Variants in CDK15 observed in about 807,000 individuals in gnomAD.
CDK15 encodes the protein cyclin-dependent kinase 15.
A neutral mutation model predicts 60.3 loss-of-function variants in CDK15; 62 were observed. That is an observed-to-expected ratio of 1.03 (90% CI 0.84 to 1.27). The LOEUF (loss-of-function observed/expected upper bound fraction) is 1.27, where lower values mean the gene tolerates loss of function less well. Among genes scored for constraint, CDK15 ranks in the 50% most tolerant of loss-of-function variants. The pLI is 0.00. For missense variants in CDK15, 541 were observed against 527.8 expected, an observed-to-expected ratio of 1.03 and a Z score of -0.25; for synonymous variants, 194 against 195.7, an observed-to-expected ratio of 0.99 and a Z score of 0.07.
intron 7 of CDK15, among the ~76,000 whole-genome samples, chr2:201,834,322 C>A (rs1559124641): frequency 6.6e-6 from 1 of 152,084 alleles, no homozygotes; most frequent in Admixed American, 6.5e-5. Flanking sequence ...GAGATTATCC[C>A]AAGATGATAA....
intron 12 of CDK15, among the ~76,000 whole-genome samples, chr2:201,886,637 T>G (rs1179727313): frequency 6.6e-6 from 1 of 152,198 alleles, no homozygotes; most frequent in South Asian, 2.1e-4. Flanking sequence ...GATTTCTTAA[T>G]CGATGGTGAT....
intron 9 of CDK15, among the ~76,000 whole-genome samples, chr2:201,852,755 A>C (rs557628672): frequency 1.3e-5 from 2 of 152,350 alleles, no homozygotes; most frequent in South Asian, 4.1e-4. Flanking sequence ...TAATTTTCTC[A>C]AGTGAAAAAG....
At chr2:201,839,970 TTTTTTG>T (rs113933590) in intron 8 of CDK15, among the ~76,000 whole-genome samples, 3 of 150,674 alleles carry the variant, frequency 2.0e-5, no homozygotes, top group African/African-American at 4.9e-5. Flanking sequence ...CTGGGGTTTT[TTTTTTG>T]TTTTTGTTTT....
At chr2:201,889,246 G>A in intron 12 of CDK15, 1 of 985,340 alleles carries the variant, frequency 1.0e-6, no homozygotes, top group Middle Eastern at 5.2e-4. Context: ...TTGTTAAATT[G>A]TGAGATATTT....
Position 201,830,004 on chromosome 2 carries a change from C to T in CDK15, c.607-3844C>T, listed in dbSNP as rs188758198. ...TGTATTTTTAGTAGAGACGGGGTTT[C>T]ACCATGTTGGCCAGGCTGGTCTTGA... On this transcript the variant is annotated intron_variant, in intron 6 of 13. Transcript: ENST00000652192. Among the ~76,000 whole-genome samples the T allele has an allele frequency of 5.8e-3, 882 of 152,122 alleles. 11 individuals carry two copies. Among genetic ancestry groups the T allele is most frequent in the African/African-American group, 0.02 (818 of 41,518 alleles).
chr2:201,842,057 A>G (rs1012227427), intron 8 of CDK15, among the ~76,000 whole-genome samples: 2 of 152,154 alleles, frequency 1.3e-5, no homozygotes, highest in African/African-American at 4.8e-5. Context: ...GTACATTCAC[A>G]TTGTTGTGTA....
intron 9 of CDK15, 121 bp from the exon 10 acceptor site, chr2:201,854,753 A>G (rs780821672): frequency 5.2e-6 from 4 of 765,524 alleles, no homozygotes; most frequent in Non-Finnish European, 8.9e-6. Flanking sequence ...GTGTCATGCA[A>G]TGGGACATAC....
chr2:201,888,407 T>A (rs1699535311), intron 12 of CDK15: 1 of 1,528,944 alleles, frequency 6.5e-7, no homozygotes, highest in Non-Finnish European at 8.7e-7. Context: ...ATGACTGAAT[T>A]TCCCTTCTCA....
intron 6 of CDK15, among the ~76,000 whole-genome samples, chr2:201,826,072 T>C (rs1696472252): frequency 6.6e-6 from 1 of 152,104 alleles, no homozygotes; most frequent in Non-Finnish European, 1.5e-5. Flanking sequence ...TACACACCAA[T>C]ACTATTATAG....
At chr2:201,864,265 A>G (rs1197962989) in intron 10 of CDK15, among the ~76,000 whole-genome samples, 2 of 152,218 alleles carry the variant, frequency 1.3e-5, no homozygotes, top group Non-Finnish European at 2.9e-5. Context: ...AAAATAAAAG[A>G]AAAGAAGGAA....
intron 8 of CDK15, among the ~76,000 whole-genome samples, chr2:201,838,965 G>A (rs138263594): frequency 0.01 from 1,534 of 151,148 alleles, 14 homozygotes; most frequent in Middle Eastern, 0.02. Context: ...TTTTTGAGAC[G>A]GAGTCTCGCT....
At chr2:201,881,543 T>G (rs1294905438) in intron 12 of CDK15, among the ~76,000 whole-genome samples, 1 of 152,280 alleles carries the variant, frequency 6.6e-6, no homozygotes, top group South Asian at 2.1e-4. Flanking sequence ...GCAAAAAATC[T>G]GTGCATAATC....
At chr2:201,866,476 A>G (rs1418645061) in intron 10 of CDK15, among the ~76,000 whole-genome samples, 1 of 152,210 alleles carries the variant, frequency 6.6e-6, no homozygotes, top group African/African-American at 2.4e-5. Flanking sequence ...CTTAGTTTGG[A>G]AATTTAAATG....
At chr2:201,833,282 C>A (rs555257638) in intron 6 of CDK15, among the ~76,000 whole-genome samples, 2 of 151,544 alleles carry the variant, frequency 1.3e-5, no homozygotes, top group South Asian at 2.1e-4. Context: ...TTGTTTTCAA[C>A]TTTGAATTTA....
intron 10 of CDK15, among the ~76,000 whole-genome samples, chr2:201,864,444 A>C (rs1698527271): frequency 6.6e-6 from 1 of 152,174 alleles, no homozygotes; most frequent in South Asian, 2.1e-4. Context: ...CAGCTTCCCA[A>C]GTAGCTGGGA....
intron 13 of CDK15, 39 bp downstream of exon 13, chr2:201,890,966 T>C (rs905387108): frequency 1.1e-5 from 12 of 1,118,880 alleles, no homozygotes; most frequent in South Asian, 8.2e-5. Context: ...ATGGAACAAA[T>C]TGAAAAGCAA....
intron 10 of CDK15, among the ~76,000 whole-genome samples, chr2:201,857,048 C>A (rs2105791519): frequency 1.7e-5 from 1 of 59,016 alleles, no homozygotes; most frequent in Non-Finnish European, 3.0e-5. Context: ...AAGGTGAAAC[C>A]CCGTCTCTAC....
At chr2:201,863,381 TATTA>T in intron 10 of CDK15, among the ~76,000 whole-genome samples, 1 of 150,614 alleles carries the variant, frequency 6.6e-6, no homozygotes, top group Middle Eastern at 3.4e-3. Context: ...AATTTTAATT[TATTA>T]ATTAAAAAAT....
chr2:201,888,638 G>A, intron 12 of CDK15: 2 of 1,388,290 alleles, frequency 1.4e-6, no homozygotes, highest in Non-Finnish European at 1.9e-6. Context: ...TTGGGAAGGA[G>A]AGTCTGGCAG....
Sources: gnomAD v4.1 joint callset for allele counts (sites outside exome capture counted in the v4.1 genomes callset) on GRCh38, gnomAD v4.1.1 for gene constraint, MANE v1.5 for transcripts, NCBI Gene and HGNC (gene_info 2026-07-23, HGNC 2026-07-21) for gene names.